The following RRP1B variants were observed in gnomAD, a reference collection of about 807,000 sequenced individuals.
RRP1B encodes the protein ribosomal RNA processing 1B, also known as ribosomal RNA processing protein 1 homolog B.
In RRP1B, 56 loss-of-function variants were observed where a neutral mutation model predicts 80.2. That is an observed-to-expected ratio of 0.70 (90% CI 0.56 to 0.87). The LOEUF (loss-of-function observed/expected upper bound fraction) is 0.87, where lower values mean the gene tolerates loss of function less well. Ranked by LOEUF, RRP1B falls within the 40% of genes least tolerant of loss-of-function variation. The pLI is 0.00. For missense variants in RRP1B, 807 were observed against 939.8 expected (o/e 0.86, Z 1.85); for synonymous variants, 351 against 357.6 (o/e 0.98, Z 0.21).
chr21:43,686,757 G>C, intron 11 of RRP1B, 47 bp from the exon 12 acceptor site: 1 of 1,610,584 alleles, frequency 6.2e-7, no homozygotes. Context: ...CTGGGGCAGA[G>C]TCTTGAGCGC....
intron 1 of RRP1B, among the ~76,000 whole-genome samples, chr21:43,663,825 G>A (rs2082967793): frequency 6.6e-6 from 1 of 152,142 alleles, no homozygotes; most frequent in African/African-American, 2.4e-5. Context: ...GTCTCCCAAA[G>A]TGCTGGGATT....
At position 43,691,398 on chromosome 21, in the gene RRP1B, C is replaced by T; in HGVS notation, c.2020-41C>T. On this transcript the variant is annotated intron_variant, in intron 14 of 15. Transcript: ENST00000340648. This position sits in a 1 kb window ranked among gnomAD's most constrained non-coding sequence, Gnocchi z 4.2. ...AATCTGACTAAGCGCCTCCACTGCA[C>T]TTGCGTCACTCCTTTTGTTCCTGTT... 5.0e-6 allele frequency: 8 copies of T among 1,603,836 alleles called. No individual in the cohort carries two copies. Among genetic ancestry groups the T allele is most frequent in the Non-Finnish European group, 6.0e-6 (7 of 1,171,320 alleles).
At chr21:43,681,468 G>A (rs1401526718) in intron 8 of RRP1B, among the ~76,000 whole-genome samples, 1 of 151,104 alleles carries the variant, frequency 6.6e-6, no homozygotes, top group Non-Finnish European at 1.5e-5. Flanking sequence ...CAATTCTCCT[G>A]CCTCAGCCTC....
intron 1 of RRP1B, among the ~76,000 whole-genome samples, chr21:43,664,831 C>T (rs906868497): frequency 6.6e-6 from 1 of 152,168 alleles, no homozygotes; most frequent in Non-Finnish European, 1.5e-5. Context: ...CGGGTATGTG[C>T]AGGAGAGCTC....
intron 1 of RRP1B, among the ~76,000 whole-genome samples, chr21:43,663,370 A>G (rs1207705033): frequency 6.6e-6 from 1 of 152,038 alleles, no homozygotes; most frequent in Non-Finnish European, 1.5e-5. Context: ...GTTTCAAGCA[A>G]TTCTCCCGCC....
At chr21:43,675,242 G>T (rs1601755310) in intron 6 of RRP1B, 79 bp downstream of exon 6, 2 of 1,444,168 alleles carry the variant, frequency 1.4e-6, no homozygotes, top group Non-Finnish European at 1.9e-6. Context: ...AGTGCTGTGG[G>T]GTGGCCCTTC....
At chr21:43,660,834 G>C (rs867642089) in intron 1 of RRP1B, among the ~76,000 whole-genome samples, 1 of 152,130 alleles carries the variant, frequency 6.6e-6, no homozygotes, top group Admixed American at 6.5e-5. Flanking sequence ...ATCACACAGG[G>C]CTTTGTAGTT....
chr21:43,686,974 C>G (rs1413256119), intron 12 of RRP1B, 39 bp downstream of exon 12: 1 of 1,604,748 alleles, frequency 6.2e-7, no homozygotes, highest in East Asian at 2.2e-5. Context: ...CGACTCAGCC[C>G]TTGGGGAGCG....
At chr21:43,679,113 A>G (rs1178869789) in intron 8 of RRP1B, among the ~76,000 whole-genome samples, 1 of 151,932 alleles carries the variant, frequency 6.6e-6, no homozygotes, top group Non-Finnish European at 1.5e-5. Context: ...CTACATGCCT[A>G]TTTTTATACC....
intron 8 of RRP1B, among the ~76,000 whole-genome samples, chr21:43,681,576 C>G (rs1296713670): frequency 3.3e-5 from 5 of 152,186 alleles, no homozygotes; most frequent in Admixed American, 3.3e-4. Context: ...CTCAGTTGAT[C>G]CGCCCGCCTG....
intron 10 of RRP1B, 38 bp from the exon 11 acceptor site, chr21:43,685,732 A>T (rs977164444): frequency 7.3e-7 from 1 of 1,371,700 alleles, no homozygotes; most frequent in Non-Finnish European, 9.8e-7. Context: ...AACATTTGTT[A>T]TTTTTTTATT....
At chr21:43,666,522 T>C (rs547383694) in intron 1 of RRP1B, among the ~76,000 whole-genome samples, 2 of 152,218 alleles carry the variant, frequency 1.3e-5, no homozygotes, top group African/African-American at 4.8e-5. Context: ...ACTGAGACCA[T>C]CCTGGCCAAC....
intron 8 of RRP1B, among the ~76,000 whole-genome samples, chr21:43,677,172 C>T (rs926557071): frequency 6.6e-6 from 1 of 152,088 alleles, no homozygotes; most frequent in African/African-American, 2.4e-5. Context: ...GGACTCTCCT[C>T]GAGGATTTTA....
At position 43,685,875 on chromosome 21, in the gene RRP1B, A is replaced by G. The variant is rs113260932; in HGVS notation, c.1009+86A>G. 27 of 1,483,722 alleles carry G rather than the reference A, an allele frequency of 1.8e-5. No individual in the cohort carries two copies. The African/African-American group carries it at 3.3e-4, about 18-fold the overall frequency. 91.9% of individuals were successfully genotyped at this position (1,483,722 alleles called of 1,614,324 possible). ...GCGTTGATGCCAAACGCTGAGAAACAAGATTGAAAGAACTTTACTGAAAAC... is the reference window on the plus strand; with the variant it reads ...GCGTTGATGCCAAACGCTGAGAAACGAGATTGAAAGAACTTTACTGAAAAC... On this transcript the variant is annotated intron_variant, in intron 11 of 15. Transcript: ENST00000340648.
At chr21:43,666,124 G>A (rs1169093420) in intron 1 of RRP1B, among the ~76,000 whole-genome samples, 2 of 152,212 alleles carry the variant, frequency 1.3e-5, no homozygotes, top group African/African-American at 2.4e-5. Context: ...GTGGAGAGGC[G>A]GCGGCTTCTG....
Position 43,691,507 on chromosome 21 carries a change from G to A in RRP1B, c.2083+5G>A, listed in dbSNP as rs770591827. ...TGAACAGAAACATGACTGCCGGTAA[G>A]TGGGGTTTTGCCAGCGGCAAGCTTC... On this transcript the variant is annotated splice_donor_5th_base_variant and intron_variant, in intron 15 of 15. Coordinates refer to ENST00000340648, the MANE Select transcript of RRP1B (RefSeq NM_015056.3). This position sits in a 1 kb window ranked among gnomAD's most constrained non-coding sequence, Gnocchi z 4.2. 1.9e-6 allele frequency: 3 copies of A among 1,613,994 alleles called. No individual in the cohort carries two copies. The highest frequency in any genetic ancestry group is 2.5e-6 in the Non-Finnish European group (3 of 1,179,910).
chr21:43,663,895 T>C (rs958152051), intron 1 of RRP1B, among the ~76,000 whole-genome samples: 2 of 152,158 alleles, frequency 1.3e-5, no homozygotes, highest in African/African-American at 4.8e-5. Context: ...TAAACCTATA[T>C]TGTATTGTTG....
chr21:43,661,507 G>C (rs2082957436), intron 1 of RRP1B, among the ~76,000 whole-genome samples: 1 of 152,070 alleles, frequency 6.6e-6, no homozygotes, highest in Non-Finnish European at 1.5e-5. Context: ...CACATCCAGT[G>C]GGAGGACCCC....
At position 43,695,145 on chromosome 21, in the gene RRP1B, A is replaced by AT. The variant is rs2083102573; in HGVS notation, c.*1764dup. On this transcript the variant is annotated 3_prime_UTR_variant, in exon 16 of 16. Coordinates refer to ENST00000340648, the MANE Select transcript of RRP1B (RefSeq NM_015056.3). ...GAACCAAAACTGATACAGTGAAACA[A>AT]TTAAGGTGAGCAAATAGTTTTAACT... 1 of 151,216 alleles carries AT rather than the reference A, an allele frequency of 6.6e-6. No individual in the cohort carries two copies. Among genetic ancestry groups the AT allele is most frequent in the Non-Finnish European group, 1.5e-5 (1 of 67,932 alleles). 9.4% of individuals were successfully genotyped at this position (151,216 alleles called of 1,614,324 possible).
Sources: allele counts gnomAD v4.1 joint callset (sites outside exome capture counted in the v4.1 genomes callset), GRCh38; gene constraint gnomAD v4.1.1; non-coding constraint Gnocchi (gnomAD v3.1); transcripts MANE v1.5; gene names NCBI Gene and HGNC (gene_info 2026-07-23, HGNC 2026-07-21).